DIAPH3: variants seen among roughly 807,000 people sequenced by gnomAD.
The protein encoded by DIAPH3 is protein diaphanous homolog 3.
Under a neutral mutation model 144.3 loss-of-function variants are expected in DIAPH3, and 117 were observed. The observed-to-expected ratio is 0.81, with a 90% CI of 0.70 to 0.95. The LOEUF (loss-of-function observed/expected upper bound fraction) is 0.95. Ranked by LOEUF, DIAPH3 falls within the 40% of genes least tolerant of loss-of-function variation. The pLI, the probability that DIAPH3 is intolerant of heterozygous loss-of-function variation, is 0.00. For synonymous variants in DIAPH3, 519 were observed against 488.9 expected, an observed-to-expected ratio of 1.06 and a Z score of -0.81; for missense variants, 1,421 against 1,412.7, an observed-to-expected ratio of 1.01 and a Z score of -0.09.
intron 5 of DIAPH3, among the ~76,000 whole-genome samples, chr13:60,019,023 C>A (rs1452013570): frequency 1.3e-5 from 2 of 152,096 alleles, no homozygotes; most frequent in African/African-American, 4.8e-5. Context: ...TTCACCCTCA[C>A]CCCTACTATT....
intron 4 of DIAPH3, among the ~76,000 whole-genome samples, chr13:60,045,478 C>A (rs1183735747): frequency 6.6e-6 from 1 of 152,198 alleles, no homozygotes; most frequent in Non-Finnish European, 1.5e-5. Flanking sequence ...AGGCTATTAT[C>A]TTTAAGCAAT....
intron 24 of DIAPH3, among the ~76,000 whole-genome samples, chr13:59,831,085 C>T (rs750413799): frequency 3.3e-5 from 5 of 151,860 alleles, no homozygotes; most frequent in African/African-American, 1.2e-4. Context: ...TATGTTCCTT[C>T]TCTGTGCCTC....
chr13:59,996,375 C>T (rs1208654297), intron 9 of DIAPH3, among the ~76,000 whole-genome samples: 2 of 152,008 alleles, frequency 1.3e-5, no homozygotes, highest in African/African-American at 2.4e-5. Context: ...AAATTCAATT[C>T]TAATGGTTTG....
Position 59,666,824 on chromosome 13 carries a change from T to C in DIAPH3, c.3342A>G (p.Thr1114=), listed in dbSNP as rs921655262. 3.1e-6 allele frequency: 5 copies of C among 1,614,018 alleles called. No individual in the cohort carries two copies. The African/African-American group carries it at 5.3e-5, about 17-fold the overall frequency. Residue 1114 remains threonine (T), a synonymous_variant, in exon 28 of 28, where the codon ACA becomes ACG. Transcript: ENST00000400324. ...CNHENQKVQL[T]EGSRSHYNIN... ...TATTGTAGTGTGAACGTGACCCTTC[T>C]GTCAACTGCACTTTCTGATTTTCTA...
intron 21 of DIAPH3, among the ~76,000 whole-genome samples, chr13:59,868,012 A>T (rs2044033675): frequency 6.6e-6 from 1 of 151,978 alleles, no homozygotes; most frequent in African/African-American, 2.4e-5. Flanking sequence ...TAACAAAAAC[A>T]CTCTCACCAA....
intron 27 of DIAPH3, among the ~76,000 whole-genome samples, chr13:59,753,846 T>C (rs896189497): frequency 6.6e-6 from 1 of 152,160 alleles, no homozygotes; most frequent in Non-Finnish European, 1.5e-5. Flanking sequence ...AAAAACAGCG[T>C]TAGCTTTTAT....
At chr13:59,757,827 A>T (rs1048337367) in intron 27 of DIAPH3, among the ~76,000 whole-genome samples, 2 of 152,232 alleles carry the variant, frequency 1.3e-5, no homozygotes, top group African/African-American at 4.8e-5. Context: ...ATAAAATTGC[A>T]TCAAAATCTA....
chr13:59,786,547 T>C (rs927516334), intron 25 of DIAPH3, among the ~76,000 whole-genome samples: 4 of 152,178 alleles, frequency 2.6e-5, no homozygotes, highest in African/African-American at 9.7e-5. Flanking sequence ...CACTTAATTG[T>C]CTACTCAAAT....
chr13:59,926,339 A>C (rs964873338), intron 17 of DIAPH3, among the ~76,000 whole-genome samples: 3 of 152,000 alleles, frequency 2.0e-5, no homozygotes, highest in Non-Finnish European at 4.4e-5. Context: ...GAACTTTATT[A>C]TTTCTTTCCT....
At chr13:59,713,875 G>T (rs2034886245) in intron 27 of DIAPH3, among the ~76,000 whole-genome samples, 1 of 152,200 alleles carries the variant, frequency 6.6e-6, no homozygotes, top group African/African-American at 2.4e-5. Flanking sequence ...GAGTTGCTGA[G>T]CCATGGATAA....
At chr13:59,802,658 A>ATTT (rs1177764369) in intron 25 of DIAPH3, among the ~76,000 whole-genome samples, 42 of 22,922 alleles carry the variant, frequency 1.8e-3, no homozygotes, top group Non-Finnish European at 3.3e-3. Flanking sequence ...TATTATTATT[A>ATTT]TTATTATTAT....
At position 59,666,808 on chromosome 13, in the gene DIAPH3, G is replaced by T. The variant is rs758095352; in HGVS notation, c.3358C>A (p.His1120Asn). 8.1e-6 allele frequency: 13 copies of T among 1,613,982 alleles called. 1 individual carries two copies. The South Asian group carries it at 9.9e-5, about 12-fold the overall frequency. The change falls in exon 28 of 28, where the codon CAC becomes AAC. Residue 1120 changes from histidine (H) to asparagine (N), a missense_variant. His to Asn is a moderately conservative substitution (Grantham distance 68). Transcript: ENST00000400324. ...KVQLTEGSRSHYNINCNSTRT... is the reference protein window; with the variant it reads ...KVQLTEGSRSNYNINCNSTRT... ...GTTGAGTTGCAATTGATATTGTAGT[G>T]TGAACGTGACCCTTCTGTCAACTGC...
chr13:60,139,195 A>G (rs2059372103), intron 1 of DIAPH3, among the ~76,000 whole-genome samples: 1 of 152,242 alleles, frequency 6.6e-6, no homozygotes, highest in South Asian at 2.1e-4. Flanking sequence ...TTAACATCTA[A>G]GAAAGGTCCA....
At chr13:59,740,546 G>A (rs183854694) in intron 27 of DIAPH3, among the ~76,000 whole-genome samples, 7 of 152,234 alleles carry the variant, frequency 4.6e-5, no homozygotes, top group Admixed American at 3.3e-4. Context: ...CACCAAGCAC[G>A]AAGTTCTTCT....
chr13:59,798,695 C>A (rs935870478), intron 25 of DIAPH3, among the ~76,000 whole-genome samples: 13 of 152,318 alleles, frequency 8.5e-5, no homozygotes, highest in African/African-American at 2.9e-4. Context: ...CAGGAACCAC[C>A]CATGTAGCAG....
intron 4 of DIAPH3, among the ~76,000 whole-genome samples, chr13:60,081,940 A>C (rs1439657101): frequency 6.6e-6 from 1 of 152,032 alleles, no homozygotes; most frequent in Non-Finnish European, 1.5e-5. Flanking sequence ...AGGATCCTAC[A>C]TTGAAGAGAA....
chr13:59,712,759 T>C (rs1005098298), intron 27 of DIAPH3, among the ~76,000 whole-genome samples: 1 of 152,204 alleles, frequency 6.6e-6, no homozygotes, highest in African/African-American at 2.4e-5. Flanking sequence ...TCTTCCCTTG[T>C]AGATGGCAGT....
Position 59,666,386 on chromosome 13 carries a change from G to A in DIAPH3, c.*198C>T, listed in dbSNP as rs1393359030. On this transcript the variant is annotated 3_prime_UTR_variant, in exon 28 of 28. Coordinates refer to ENST00000400324, the MANE Select transcript of DIAPH3 (RefSeq NM_001042517.2). ...AAAAAAAAAAAAAGGATTAAAGCCC[G>A]GTACAATCTTGAATAAACCAAAACC... 3.8e-6 allele frequency: 2 copies of A among 526,320 alleles called. No individual in the cohort carries two copies. The highest frequency in any genetic ancestry group is 6.2e-6 in the Non-Finnish European group (2 of 320,260). 32.6% of individuals were successfully genotyped at this position (526,320 alleles called of 1,614,324 possible). A position where few individuals can be genotyped will look rare whatever the true frequency, so the allele number is the denominator to read the frequency against.
intron 27 of DIAPH3, among the ~76,000 whole-genome samples, chr13:59,696,383 C>T (rs1198615360): frequency 1.3e-5 from 2 of 152,190 alleles, no homozygotes; most frequent in Admixed American, 1.3e-4. Context: ...AGTATAAGAA[C>T]ATGTGGAGTT....
Sources: gnomAD v4.1 joint callset for allele counts (sites outside exome capture counted in the v4.1 genomes callset) on GRCh38, gnomAD v4.1.1 for gene constraint, MANE v1.5 for transcripts, NCBI Gene and HGNC (gene_info 2026-07-23, HGNC 2026-07-21) for gene names.